Variants in TSPEAR observed in about 807,000 individuals in gnomAD.
TSPEAR encodes the protein thrombospondin-type laminin G domain and EAR repeat-containing protein.
In TSPEAR, 69 loss-of-function variants were observed where a neutral mutation model predicts 71.6. The observed-to-expected ratio is 0.96, with a 90% CI of 0.79 to 1.18. TSPEAR has a LOEUF of 1.18. Ranked by LOEUF, TSPEAR falls within the 50% of genes most tolerant of loss-of-function variation. The pLI is 0.00. For missense variants in TSPEAR, 971 were observed against 894.9 expected, an observed-to-expected ratio of 1.09 and a Z score of -1.09; for synonymous variants, 402 against 387.2, an observed-to-expected ratio of 1.04 and a Z score of -0.45.
chr21:44,661,524 C>T (rs1344518008), intron 1 of TSPEAR, among the ~76,000 whole-genome samples: 1 of 152,100 alleles, frequency 6.6e-6, no homozygotes, highest in African/African-American at 2.4e-5. Context: ...ACTCTTAGGC[C>T]AAATAAGTTT....
At position 44,647,533 on chromosome 21, in the gene TSPEAR, C is replaced by T. The variant is rs150573295; in HGVS notation, c.82+63900G>A. On this transcript the variant is annotated intron_variant, in intron 1 of 11. Transcript: ENST00000323084. ...CCCCACTGTCTGGGAAGAGACAACC[C>T]ACAAATCCCTCAGCAGGTGGACTGT... The T allele has an allele frequency of 1.3e-4, 96 of 760,104 alleles. No homozygotes were observed. In the East Asian group the frequency reaches 2.6e-3, roughly 21 times the overall value. 47.1% of individuals were successfully genotyped at this position (760,104 alleles called of 1,614,324 possible). A position where few individuals can be genotyped will look rare whatever the true frequency, so the allele number is the denominator to read the frequency against.
chr21:44,500,744 C>T (rs1315310337), intron 11 of TSPEAR, among the ~76,000 whole-genome samples: 2 of 152,204 alleles, frequency 1.3e-5, no homozygotes, highest in African/African-American at 2.4e-5. Context: ...TTTATTCACA[C>T]TGTTCATCTT....
chr21:44,619,179 G>A (rs890271877), intron 1 of TSPEAR, among the ~76,000 whole-genome samples: 3 of 152,324 alleles, frequency 2.0e-5, no homozygotes, highest in Non-Finnish European at 4.4e-5. Flanking sequence ...AACATACAGA[G>A]CCCAGCTACA....
In TSPEAR at chr21:44,508,992, T is replaced by A; in HGVS notation, c.1754+207A>T. The A allele has an allele frequency of 3.9e-6, 6 of 1,522,308 alleles. No homozygotes were observed. The South Asian group carries it at 7.2e-5, about 18-fold the overall frequency. The allele number at this position is 1,522,308 out of a possible 1,614,324, so 94.3% of individuals were successfully genotyped here. A position where few individuals can be genotyped will look rare whatever the true frequency, so the allele number is the denominator to read the frequency against. On this transcript the variant is annotated intron_variant, in intron 10 of 11. Transcript: ENST00000323084. ...CCCGGCTCTGGGAACCAAACCTGTG[T>A]CTCAGGGCGGCACTGACTTCCCCAG...
chr21:44,617,412 C>T (rs1982174687), intron 1 of TSPEAR, among the ~76,000 whole-genome samples: 1 of 152,244 alleles, frequency 6.6e-6, no homozygotes, highest in Admixed American at 6.5e-5. Flanking sequence ...CTGTGCTGGG[C>T]TGGGTGGGCG....
At chr21:44,690,353 T>C (rs905373370) in intron 1 of TSPEAR, among the ~76,000 whole-genome samples, 1 of 152,166 alleles carries the variant, frequency 6.6e-6, no homozygotes, top group Non-Finnish European at 1.5e-5. Context: ...AACCAAGTGA[T>C]GCCAAGAAAA....
intron 1 of TSPEAR, chr21:44,657,911 G>A: frequency 6.6e-7 from 1 of 1,503,868 alleles, no homozygotes; most frequent in South Asian, 1.2e-5. Context: ...CAGGTATAAA[G>A]ACCACCAGAG....
chr21:44,698,055 C>A, intron 1 of TSPEAR: 3 of 1,303,648 alleles, frequency 2.3e-6, no homozygotes, highest in Non-Finnish European at 3.2e-6. Context: ...TGGTGTCTGT[C>A]TCTTCCTTGG....
chr21:44,534,777 C>G (rs1024932324), intron 2 of TSPEAR, among the ~76,000 whole-genome samples: 1 of 152,164 alleles, frequency 6.6e-6, no homozygotes, highest in East Asian at 1.9e-4. Flanking sequence ...TCAGCAATTC[C>G]ACTTCTGGGT....
chr21:44,599,502 A>G (rs1555928122), intron 1 of TSPEAR, among the ~76,000 whole-genome samples: 1 of 152,188 alleles, frequency 6.6e-6, no homozygotes, highest in African/African-American at 2.4e-5. Context: ...GCTGGTCATC[A>G]CTGACATCAC....
At chr21:44,522,992 TAGTC>T (rs782760078) in intron 8 of TSPEAR, among the ~76,000 whole-genome samples, 69 of 152,300 alleles carry the variant, frequency 4.5e-4, no homozygotes, top group Admixed American at 3.2e-3. Flanking sequence ...GTCAGTCAGA[TAGTC>T]AGTCATCAGT....
rs782444727 is a variant in TSPEAR at position 44,591,950 on chromosome 21, C to T, written c.83-23945G>A. The stretch of plus-strand genomic sequence containing the variant: ...CAGCAGGGGCTGGACACACAGCTCA[C>T]ACAGCTAGACTGCTGGCAGCACGAA... On this transcript the variant is annotated intron_variant, in intron 1 of 11. Transcript: ENST00000323084. 9 of 1,599,404 alleles carry T rather than the reference C, an allele frequency of 5.6e-6. No homozygotes were observed. In the East Asian group the frequency reaches 1.8e-4, roughly 32 times the overall value.
chr21:44,521,855 G>A, intron 9 of TSPEAR, 28 bp downstream of exon 9: 1 of 1,601,192 alleles, frequency 6.2e-7, no homozygotes, highest in Non-Finnish European at 8.5e-7. Context: ...CAGCAATGGA[G>A]AGCCGGGGCT....
chr21:44,522,298 C>T (rs587756873), intron 8 of TSPEAR, among the ~76,000 whole-genome samples, 186 bp from the exon 9 acceptor site: 2 of 152,346 alleles, frequency 1.3e-5, no homozygotes, highest in African/African-American at 4.8e-5. Context: ...CTGACTGCAC[C>T]TCTGGGCCAT....
intron 10 of TSPEAR, among the ~76,000 whole-genome samples, chr21:44,505,235 C>T (rs149412338): frequency 7.8e-4 from 118 of 152,076 alleles, no homozygotes; most frequent in Admixed American, 1.7e-3. Context: ...TGCGGCACCA[C>T]GCCCGGCTAA....
In TSPEAR at chr21:44,533,730, G is replaced by A; in HGVS notation, c.497C>T (p.Ala166Val). ...GTCCGTGGTGAGGGAGAAGACGCCT[G>A]CGGACACAGCCAGGACCAGTGTGTG... ...RWHTLVLAVSAGVFSLTTDCG... is the reference protein window; with the variant it reads ...RWHTLVLAVSVGVFSLTTDCG... The change falls in exon 3 of 12, where the codon GCA becomes GTA. Residue 166 changes from alanine (A) to valine (V), a missense_variant. Physicochemically the swap from Ala to Val is moderately conservative, Grantham distance 64. Coordinates refer to ENST00000323084, the MANE Select transcript of TSPEAR (RefSeq NM_144991.3). 1 of 1,612,096 alleles carries A rather than the reference G, an allele frequency of 6.2e-7. No individual in the cohort carries two copies. The highest frequency in any genetic ancestry group is 8.5e-7 in the Non-Finnish European group (1 of 1,179,624).
At chr21:44,591,665 C>G in intron 1 of TSPEAR, 3 of 1,585,180 alleles carry the variant, frequency 1.9e-6, no homozygotes, top group Non-Finnish European at 2.6e-6. Context: ...CCAGAGCAGA[C>G]GGGCACACAG....
chr21:44,644,914 C>G lies in TSPEAR; in HGVS notation c.82+66519G>C, dbSNP rs180795639. Among the ~76,000 whole-genome samples, 16 of 140,532 alleles carry G rather than the reference C, an allele frequency of 1.1e-4. No homozygotes were observed. The South Asian group carries it at 1.9e-3, about 17-fold the overall frequency. The allele number at this position is 140,532 out of a possible 152,430, so 92.2% of individuals were successfully genotyped here. A position where few individuals can be genotyped will look rare whatever the true frequency, so the allele number is the denominator to read the frequency against. On this transcript the variant is annotated intron_variant, in intron 1 of 11. Coordinates refer to ENST00000323084, the MANE Select transcript of TSPEAR (RefSeq NM_144991.3). Reference sequence around the variant, plus strand: ...ACACTTTAGAACAATAAAAAGAAACCCAAATGCTCCCAGAGAGTTAAGGAA... The same window carrying G: ...ACACTTTAGAACAATAAAAAGAAACGCAAATGCTCCCAGAGAGTTAAGGAA...
At chr21:44,608,708 TAAAC>T (rs1434792301) in intron 1 of TSPEAR, among the ~76,000 whole-genome samples, 2 of 152,214 alleles carry the variant, frequency 1.3e-5, no homozygotes, top group Admixed American at 6.5e-5. Flanking sequence ...CTTTCCAAAA[TAAAC>T]AAATTTTAAA....
Sources: allele counts gnomAD v4.1 joint callset (sites outside exome capture counted in the v4.1 genomes callset), GRCh38; gene constraint gnomAD v4.1.1; transcripts MANE v1.5; gene names NCBI Gene and HGNC (gene_info 2026-07-23, HGNC 2026-07-21).